Variants in ZCCHC2 observed in about 807,000 individuals in gnomAD.
ZCCHC2 encodes the protein zinc finger CCHC domain-containing protein 2.
A neutral mutation model predicts 103.6 loss-of-function variants in ZCCHC2; 39 were observed. The observed-to-expected ratio is 0.38, with a 90% CI of 0.29 to 0.49. ZCCHC2 has a LOEUF of 0.49. ZCCHC2 is among the 20% of genes least tolerant of loss of function. The probability of loss-of-function intolerance (pLI) is 0.96; values close to 1 mark genes in which losing one functional copy is unlikely to be tolerated. For missense variants in ZCCHC2, 1,483 were observed against 1,491.0 expected (o/e 0.99, Z 0.09); for synonymous variants, 687 against 608.9 (o/e 1.13, Z -1.89).
chr18:62,566,072 CTG>C (rs907920544), intron 11 of ZCCHC2, among the ~76,000 whole-genome samples: 1 of 152,086 alleles, frequency 6.6e-6, no homozygotes, highest in Non-Finnish European at 1.5e-5. Context: ...TGATGAAAAC[CTG>C]TCTCTACTAA....
chr18:62,575,898 T>G (rs1417997355), intron 13 of ZCCHC2, among the ~76,000 whole-genome samples: 1 of 152,200 alleles, frequency 6.6e-6, no homozygotes, highest in African/African-American at 2.4e-5. Flanking sequence ...AGCAAAATTT[T>G]TAAATATTGA....
chr18:62,523,377 C>G lies in ZCCHC2; in HGVS notation c.-48C>G. 8.7e-6 allele frequency: 2 copies of G among 230,564 alleles called. No individual in the cohort carries two copies. Among genetic ancestry groups the G allele is most frequent in the Non-Finnish European group, 1.4e-5 (2 of 140,636 alleles). 14.3% of individuals were successfully genotyped at this position (230,564 alleles called of 1,614,324 possible). ...CCTCGGCCCGTGCTCCACCTCGCGG[C>G]CCCTCCCGCCCGCCCCCGCTCGCAT... On this transcript the variant is annotated 5_prime_UTR_variant, in exon 1 of 14. Coordinates refer to ENST00000269499, the MANE Select transcript of ZCCHC2 (RefSeq NM_017742.6).
At chr18:62,557,571 TGTCTGAATGA>T (rs1411286589) in intron 6 of ZCCHC2, among the ~76,000 whole-genome samples, 1 of 152,250 alleles carries the variant, frequency 6.6e-6, no homozygotes, top group African/African-American at 2.4e-5. Context: ...ATTAAATTTA[TGTCTGAATGA>T]TAACAACAGC....
intron 14 of ZCCHC2, among the ~76,000 whole-genome samples, chr18:62,583,711 A>C (rs956372580): frequency 6.6e-6 from 1 of 151,786 alleles, no homozygotes; most frequent in African/African-American, 2.4e-5. Context: ...GGGAGGGCTC[A>C]TTGATTTCCA....
chr18:62,555,286 G>A (rs1015673640), intron 5 of ZCCHC2, among the ~76,000 whole-genome samples: 1 of 152,280 alleles, frequency 6.6e-6, no homozygotes, highest in East Asian at 1.9e-4. Context: ...TCCAGCTGGA[G>A]TCTTTTAATT....
rs374828249 is a variant in ZCCHC2, at chr18:62,553,776, G to A, written c.1314-2427G>A. Among the ~76,000 whole-genome samples the A allele has an allele frequency of 8.5e-5, 13 of 152,258 alleles. No homozygotes were observed. In the South Asian group the frequency reaches 1.2e-3, roughly 15 times the overall value. On this transcript the variant is annotated intron_variant, in intron 5 of 13. Coordinates refer to ENST00000269499, the MANE Select transcript of ZCCHC2 (RefSeq NM_017742.6). ...ATCTCGGAAAGACAGTCCGATTTCA[G>A]TTTGTGTTTGAGTAGGCTTTGCCGC...
At chr18:62,528,497 G>A (rs1241167910) in intron 1 of ZCCHC2, among the ~76,000 whole-genome samples, 1 of 152,024 alleles carries the variant, frequency 6.6e-6, no homozygotes, top group East Asian at 1.9e-4. Flanking sequence ...TACTCTGGAG[G>A]CTGAGGCAGG....
At chr18:62,541,264 T>C (rs934111625) in intron 2 of ZCCHC2, among the ~76,000 whole-genome samples, 1 of 152,232 alleles carries the variant, frequency 6.6e-6, no homozygotes, top group African/African-American at 2.4e-5. Context: ...AAGGGGAAAC[T>C]GGCCCACAAG....
At chr18:62,571,207 CCAGA>C (rs34059242) in intron 12 of ZCCHC2, among the ~76,000 whole-genome samples, 33,663 of 151,940 alleles carry the variant, frequency 0.22, 3,932 homozygotes, top group South Asian at 0.31. Flanking sequence ...GTGCTAGCTG[CCAGA>C]CAGTCAAATG....
At chr18:62,540,769 T>A (rs1915137003) in intron 2 of ZCCHC2, among the ~76,000 whole-genome samples, 1 of 152,212 alleles carries the variant, frequency 6.6e-6, no homozygotes, top group Non-Finnish European at 1.5e-5. Context: ...TTTTCTTGTA[T>A]TCCTACTTCT....
At chr18:62,575,612 TATTG>T in intron 13 of ZCCHC2, 62 bp downstream of exon 13, 1 of 1,535,158 alleles carries the variant, frequency 6.5e-7, no homozygotes, top group East Asian at 2.3e-5. Flanking sequence ...TTCCTTTCCT[TATTG>T]ATCATGGGAT....
At chr18:62,566,927 A>G (rs960076005) in intron 11 of ZCCHC2, among the ~76,000 whole-genome samples, 5 of 152,224 alleles carry the variant, frequency 3.3e-5, no homozygotes, top group Admixed American at 1.3e-4. Flanking sequence ...GGAAACATAC[A>G]TTGTATAGGT....
At position 62,574,371 on chromosome 18, in the gene ZCCHC2, T is replaced by G. The variant is rs372039164; in HGVS notation, c.2290T>G (p.Ser764Ala). The change falls in exon 13 of 14, where the codon TCT (serine) becomes GCT (alanine). Residue 764 changes from serine to alanine, a missense_variant. Physicochemically the swap from Ser to Ala is moderately conservative, Grantham distance 99. Transcript: ENST00000269499. Reference protein sequence around the residue: ...SPVAISAIRESANSTPVGILG... With the variant: ...SPVAISAIREAANSTPVGILG... ...TGTTGCTATTTCTGCAATAAGGGAG[T>G]CTGCAAATTCAACCCCTGTTGGAAT... 3 of 1,613,740 alleles carry G rather than the reference T, an allele frequency of 1.9e-6. No homozygotes were observed. The African/African-American group carries it at 4.0e-5, about 22-fold the overall frequency.
At chr18:62,532,910 G>A (rs1407993005) in intron 1 of ZCCHC2, among the ~76,000 whole-genome samples, 1 of 152,058 alleles carries the variant, frequency 6.6e-6, no homozygotes, top group Non-Finnish European at 1.5e-5. Flanking sequence ...AGTGGTGCAT[G>A]TCTGTAGTCC....
At chr18:62,550,267 T>G in intron 4 of ZCCHC2, 81 bp from the exon 5 acceptor site, 1 of 1,052,178 alleles carries the variant, frequency 9.5e-7, no homozygotes, top group Non-Finnish European at 1.4e-6. Flanking sequence ...GCATTAATCT[T>G]CATTTTATGC....
chr18:62,543,671 C>G (rs1162507760), intron 3 of ZCCHC2, among the ~76,000 whole-genome samples: 1 of 152,212 alleles, frequency 6.6e-6, no homozygotes, highest in African/African-American at 2.4e-5. Context: ...AAGCTCCCTC[C>G]TCCGAGATCC....
chr18:62,539,814 C>A (rs112169210), intron 2 of ZCCHC2, 22 bp downstream of exon 2: 20 of 1,556,150 alleles, frequency 1.3e-5, no homozygotes, highest in Middle Eastern at 1.7e-4. Flanking sequence ...TTTTTGTAAA[C>A]TTAAAGCATT....
In ZCCHC2 at chr18:62,523,376, G is replaced by GCGGGCC; in HGVS notation, c.-48_-47insGGGCCC. 2.0e-6 allele frequency: 2 copies of GCGGGCC among 1,012,356 alleles called. No homozygotes were observed. The highest frequency in any genetic ancestry group is 1.8e-5 in the African/African-American group (1 of 56,958). The allele number at this position is 1,012,356 out of a possible 1,614,324, so 62.7% of individuals were successfully genotyped here. On this transcript the variant is annotated 5_prime_UTR_variant, in exon 1 of 14. Coordinates refer to ENST00000269499, the MANE Select transcript of ZCCHC2 (RefSeq NM_017742.6). Reference sequence around the variant, plus strand: ...GCCTCGGCCCGTGCTCCACCTCGCGGCCCCTCCCGCCCGCCCCCGCTCGCA... The same window carrying GCGGGCC: ...GCCTCGGCCCGTGCTCCACCTCGCGGCGGGCCCCCCTCCCGCCCGCCCCCGCTCGCA...
At position 62,523,995 on chromosome 18, in the gene ZCCHC2, C is replaced by T. The variant is rs1383512200; in HGVS notation, c.571C>T (p.Leu191=). The T allele has an allele frequency of 4.0e-6, 6 of 1,486,914 alleles. No homozygotes were observed. The highest frequency in any genetic ancestry group is 1.3e-5 in the South Asian group (1 of 76,176). The allele number at this position is 1,486,914 out of a possible 1,614,324, so 92.1% of individuals were successfully genotyped here. A position where few individuals can be genotyped will look rare whatever the true frequency, so the allele number is the denominator to read the frequency against. ...GSENREAAGR[L]HRLLPQVDSV... ...GGAGAACCGGGAGGCCGCTGGCCGTCTGCACCGCCTGCTACCCCAGGTGGA... is the reference window on the plus strand; with the variant it reads ...GGAGAACCGGGAGGCCGCTGGCCGTTTGCACCGCCTGCTACCCCAGGTGGA... Residue 191 remains leucine (L), a synonymous_variant, in exon 1 of 14, where the codon CTG becomes TTG. Transcript: ENST00000269499.
Sources: gnomAD v4.1 joint callset for allele counts (sites outside exome capture counted in the v4.1 genomes callset) on GRCh38, gnomAD v4.1.1 for gene constraint, MANE v1.5 for transcripts, NCBI Gene and HGNC (gene_info 2026-07-23, HGNC 2026-07-21) for gene names.